LAMC2: variants seen among roughly 807,000 people sequenced by gnomAD.
LAMC2 encodes laminin subunit gamma 2.
Under a neutral mutation model 140.2 loss-of-function variants are expected in LAMC2, and 97 were observed. The ratio of observed to expected loss-of-function variants is 0.69; its 90% CI spans 0.59 to 0.82. The LOEUF (loss-of-function observed/expected upper bound fraction) is 0.82, where lower values mean the gene tolerates loss of function less well. Ranked by LOEUF, LAMC2 falls within the 40% of genes least tolerant of loss-of-function variation. LAMC2 has a pLI of 0.00. For synonymous variants in LAMC2, 513 were observed against 540.2 expected, an observed-to-expected ratio of 0.95 and a Z score of 0.70; for missense variants, 1,402 against 1,476.1, an observed-to-expected ratio of 0.95 and a Z score of 0.82.
intron 14 of LAMC2, 81 bp from the exon 15 acceptor site, chr1:183,234,286 G>A: frequency 5.9e-6 from 6 of 1,017,474 alleles, no homozygotes; most frequent in Non-Finnish European, 7.7e-6. Flanking sequence ...GTTCTGACAG[G>A]ACAGATGCAC....
chr1:183,213,448 T>G (rs1401042306), intron 2 of LAMC2, among the ~76,000 whole-genome samples: 1 of 152,204 alleles, frequency 6.6e-6, no homozygotes, highest in East Asian at 1.9e-4. Context: ...AAAACAAACA[T>G]GTAGCGACTG....
At chr1:183,254,260 C>A in the LAMC2 span, among the ~76,000 whole-genome samples, 1 of 152,146 alleles carries the variant, frequency 6.6e-6, no homozygotes. Flanking sequence ...TATCTCTTAT[C>A]TTTTTGATAA....
intron 5 of LAMC2, 84 bp downstream of exon 5, chr1:183,221,045 G>A: frequency 1.6e-6 from 2 of 1,267,958 alleles, no homozygotes; most frequent in Non-Finnish European, 2.3e-6. Context: ...CGCATTCACA[G>A]GATGGATTCT....
At chr1:183,220,460 G>A (rs2102219036) in intron 4 of LAMC2, among the ~76,000 whole-genome samples, 1 of 152,126 alleles carries the variant, frequency 6.6e-6, no homozygotes, top group South Asian at 2.1e-4. Flanking sequence ...CCATTAAACA[G>A]TAGCTCCAGG....
chr1:183,246,201 T>C (rs115904191), downstream of LAMC2, among the ~76,000 whole-genome samples: 1,686 of 150,778 alleles, frequency 0.011, 37 homozygotes, highest in African/African-American at 0.038. Context: ...CGTAAGACTG[T>C]CTTCCCTGAC....
Position 183,244,883 on chromosome 1 carries a change from T to C in LAMC2, c.*1483T>C, listed in dbSNP as rs1339729626. On this transcript the variant is annotated 3_prime_UTR_variant, in exon 23 of 23. Transcript: ENST00000264144. Reference sequence around the variant, plus strand: ...GGATTTTCCTGAAAGTGTTTTTAAATAAAGAACAATTGTTAGATGCCTGGG... The same window carrying C: ...GGATTTTCCTGAAAGTGTTTTTAAACAAAGAACAATTGTTAGATGCCTGGG... 2.0e-5 allele frequency: 3 copies of C among 152,416 alleles called. No individual in the cohort carries two copies. In the East Asian group the frequency reaches 5.8e-4, roughly 29 times the overall value. 9.4% of individuals were successfully genotyped at this position (152,416 alleles called of 1,614,324 possible).
chr1:183,229,197 T>C (rs1405786835), intron 11 of LAMC2, among the ~76,000 whole-genome samples: 1 of 152,186 alleles, frequency 6.6e-6, no homozygotes, highest in Non-Finnish European at 1.5e-5. Flanking sequence ...TTGCCCAGCG[T>C]TTCTTTCAAA....
chr1:183,214,628 A>G (rs924180354), intron 2 of LAMC2, among the ~76,000 whole-genome samples: 4 of 152,096 alleles, frequency 2.6e-5, no homozygotes, highest in African/African-American at 7.2e-5. Context: ...GGACCTAACT[A>G]TCGAATTACA....
At chr1:183,227,145 G>C (rs922151951) in intron 9 of LAMC2, among the ~76,000 whole-genome samples, 2 of 152,204 alleles carry the variant, frequency 1.3e-5, no homozygotes, top group African/African-American at 2.4e-5. Flanking sequence ...TGGTCGTCAT[G>C]GTTCAGTGCT....
Position 183,232,212 on chromosome 1 carries a change from A to G in LAMC2, c.1883A>G (p.Gln628Arg). ...IQMDQFMQQL[Q>R]RMEALISKAQ... is the part of the protein sequence containing the mutation. ...ATGGATCAGTTTATGCAGCAGCTTC[A>G]GAGAATGGAGGCCCTGATTTCAAAG... is the stretch of plus-strand genomic sequence containing the variant. Residue 628 changes from glutamine (Q) to arginine (R), a missense_variant, in exon 13 of 23, where the codon CAG becomes CGG. This residue lies in a region of LAMC2 where 9 missense variants were observed against 25.6 expected (regional missense o/e 0.35). Coordinates refer to ENST00000264144, the MANE Select transcript of LAMC2 (RefSeq NM_005562.3). 1 of 1,613,966 alleles carries G rather than the reference A, an allele frequency of 6.2e-7. No individual in the cohort carries two copies. Among genetic ancestry groups the G allele is most frequent in the South Asian group, 1.1e-5 (1 of 91,072 alleles).
intron 22 of LAMC2, 157 bp downstream of exon 22, chr1:183,240,548 G>A: frequency 6.9e-7 from 1 of 1,451,848 alleles, no homozygotes; most frequent in African/African-American, 1.4e-5. Context: ...CTTTCGGCAG[G>A]TTCCCTTACA....
chr1:183,237,448 G>A lies in LAMC2; in HGVS notation c.2698G>A (p.Gly900Arg), dbSNP rs181037402. Residue 900 changes from glycine to arginine, a missense_variant, in exon 18 of 23, where the codon GGA (glycine) becomes AGA (arginine). Gly to Arg is a moderately radical substitution (Grantham distance 125, BLOSUM62 -2). This residue lies in a region of LAMC2 where 670 missense variants were observed against 667.2 expected (regional missense o/e 1.00). Transcript: ENST00000264144. Reference protein sequence around the residue: ...DEFKRTQKNLGNWKEEAQQLL... With the variant: ...DEFKRTQKNLRNWKEEAQQLL... ...GTTCAAGCGTACACAGAAGAATCTG[G>A]GAAACTGGAAAGAAGAAGCACAGCA... is the stretch of plus-strand genomic sequence containing the variant. 3.7e-6 allele frequency: 6 copies of A among 1,614,098 alleles called. No homozygotes were observed. The highest frequency in any genetic ancestry group is 4.5e-5 in the East Asian group (2 of 44,882).
intron 1 of LAMC2, among the ~76,000 whole-genome samples, chr1:183,198,732 C>T (rs970479119): frequency 2.6e-5 from 4 of 152,194 alleles, no homozygotes; most frequent in Admixed American, 1.3e-4. Context: ...CCTGCCTCAT[C>T]GCCTTGCCCT....
At chr1:183,192,213 G>A (rs774433307) in intron 1 of LAMC2, among the ~76,000 whole-genome samples, 12 of 152,112 alleles carry the variant, frequency 7.9e-5, no homozygotes, top group East Asian at 1.9e-4. Flanking sequence ...TTGGCCAAAC[G>A]TATAGGGATC....
downstream of LAMC2, among the ~76,000 whole-genome samples, chr1:183,247,795 T>C (rs962399697): frequency 6.6e-6 from 1 of 152,252 alleles, no homozygotes; most frequent in Non-Finnish European, 1.5e-5. Flanking sequence ...TAACAAATTG[T>C]TCACTTTTGC....
At chr1:183,252,814 T>A in the LAMC2 span, 1 of 1,102,412 alleles carries the variant, frequency 9.1e-7, no homozygotes, top group Non-Finnish European at 1.4e-6. Context: ...GGCATGCCCC[T>A]GTCTCCCCAG....
In LAMC2 at chr1:183,243,304, C is replaced by A. The variant is rs530511892; in HGVS notation, c.3486C>A (p.Ser1162Arg). 1 of 1,614,166 alleles carries A rather than the reference C, an allele frequency of 6.2e-7. No homozygotes were observed. The highest frequency in any genetic ancestry group is 1.3e-5 in the African/African-American group (1 of 75,030). Residue 1162 changes from serine to arginine, a missense_variant, in exon 23 of 23, where the codon AGC (serine) becomes AGA (arginine). Ser to Arg is a moderately radical substitution (Grantham distance 110). Coordinates refer to ENST00000264144, the MANE Select transcript of LAMC2 (RefSeq NM_005562.3). Reference protein sequence around the residue: ...QRGHLHLLETSIDGILADVKN... With the variant: ...QRGHLHLLETRIDGILADVKN... ...GCCACCTCCATTTGCTGGAGACAAG[C>A]ATAGATGGGATTCTGGCTGATGTGA... is the stretch of plus-strand genomic sequence containing the variant.
intron 17 of LAMC2, among the ~76,000 whole-genome samples, 191 bp downstream of exon 17, chr1:183,236,795 A>C (rs1356908342): frequency 6.6e-6 from 1 of 152,226 alleles, no homozygotes; most frequent in Non-Finnish European, 1.5e-5. Flanking sequence ...TAGTCTCTGG[A>C]AAGGATTTGA....
chr1:183,225,885 A>G (rs952575271), intron 8 of LAMC2, among the ~76,000 whole-genome samples, 165 bp downstream of exon 8: 2 of 152,216 alleles, frequency 1.3e-5, no homozygotes, highest in African/African-American at 4.8e-5. Context: ...AAGCTTTTTT[A>G]GAAGAAATGT....
Sources: allele counts gnomAD v4.1 joint callset (sites outside exome capture counted in the v4.1 genomes callset), GRCh38; gene constraint gnomAD v4.1.1; regional missense constraint gnomAD v4.1.1; transcripts MANE v1.5; gene names NCBI Gene and HGNC (gene_info 2026-07-23, HGNC 2026-07-21).